Variants in ZNF439 observed in about 807,000 individuals in gnomAD.
The protein encoded by ZNF439 is zinc finger protein 439.
Under a neutral mutation model 47.3 loss-of-function variants are expected in ZNF439, and 40 were observed. The ratio of observed to expected loss-of-function variants is 0.85; its 90% confidence interval spans 0.66 to 1.10. The LOEUF is 1.10. Among genes scored for constraint, ZNF439 ranks in the 50% least tolerant of loss-of-function variants. The pLI, the probability that ZNF439 is intolerant of heterozygous loss-of-function variation, is 0.00. For missense variants in ZNF439, 556 were observed against 601.1 expected (o/e 0.93, Z 0.78); for synonymous variants, 171 against 198.8 (o/e 0.86, Z 1.18).
intron 1 of ZNF439, among the ~76,000 whole-genome samples, chr19:11,854,304 A>G (rs930132717): frequency 1.3e-5 from 2 of 152,252 alleles, no homozygotes; most frequent in Non-Finnish European, 2.9e-5. Flanking sequence ...CAAGGAAACA[A>G]TAGCCAAAAT....
At chr19:11,858,734 G>A (rs181635753) in intron 1 of ZNF439, among the ~76,000 whole-genome samples, 1 of 152,136 alleles carries the variant, frequency 6.6e-6, no homozygotes, top group East Asian at 1.9e-4. Flanking sequence ...CTGTGATAGG[G>A]GCCATTGATC....
Position 11,867,409 on chromosome 19 carries a change from G to C in ZNF439, c.355G>C (p.Ala119Pro), listed in dbSNP as rs746730794. Residue 119 changes from alanine to proline, a missense_variant, in exon 4 of 4, where the codon GCT becomes CCT. Transcript: ENST00000682736. Reference sequence around the variant, plus strand: ...CAGGCTGAACTTCCAGAAGAAGAAAGCTTCTCCTGAAGTAAAATCATGTGA... The same window carrying C: ...CAGGCTGAACTTCCAGAAGAAGAAACCTTCTCCTGAAGTAAAATCATGTGA... ...DDRLNFQKKK[A>P]SPEVKSCDSF... The C allele has an allele frequency of 2.7e-5, 43 of 1,613,860 alleles. 1 individual carries two copies. The South Asian group carries it at 3.5e-4, about 13-fold the overall frequency.
Position 11,866,186 on chromosome 19 carries a change from C to T in ZNF439, c.64-19C>T, listed in dbSNP as rs765920971. 1.9e-6 allele frequency: 3 copies of T among 1,614,132 alleles called. No individual in the cohort carries two copies. The highest frequency in any genetic ancestry group is 4.5e-5 in the East Asian group (2 of 44,872). On this transcript the variant is annotated intron_variant, in intron 1 of 3. Transcript: ENST00000682736. ...TGTCACTCTCACCCATCCTCCTCTA[C>T]ACATGTGAGATGTTTCAGGACCCAG... is the stretch of plus-strand genomic sequence containing the variant.
chr19:11,851,728 G>C (rs544363293), intron 1 of ZNF439, among the ~76,000 whole-genome samples: 35 of 151,852 alleles, frequency 2.3e-4, no homozygotes, highest in Non-Finnish European at 4.1e-4. Context: ...TGCCATCACG[G>C]CTTACTGCAG....
intron 2 of ZNF439, 51 bp from the exon 3 acceptor site, chr19:11,866,486 T>TTTC: frequency 6.2e-7 from 1 of 1,605,978 alleles, no homozygotes; most frequent in Non-Finnish European, 8.5e-7. Flanking sequence ...CTAATAATTT[T>TTTC]TTCACAATTT....
intron 1 of ZNF439, among the ~76,000 whole-genome samples, chr19:11,865,477 T>A (rs1409038897): frequency 6.7e-6 from 1 of 149,790 alleles, no homozygotes; most frequent in African/African-American, 2.5e-5. Context: ...GGTTGTGGGA[T>A]TTCCCAGGGG....
At chr19:11,852,598 C>T (rs191354922) in intron 1 of ZNF439, among the ~76,000 whole-genome samples, 3 of 152,322 alleles carry the variant, frequency 2.0e-5, no homozygotes, top group Admixed American at 6.5e-5. Flanking sequence ...CAGCCTCCAC[C>T]TCCTAGGTTC....
At position 11,868,860 on chromosome 19, in the gene ZNF439, T is replaced by G. The variant is rs1976791837; in HGVS notation, c.*291T>G. ...AAAAGCGTTCCATAATTTCTCTTCT[T>G]TTCAAATACATGAAAGTTGCACAGA... On this transcript the variant is annotated 3_prime_UTR_variant, in exon 4 of 4. Coordinates refer to ENST00000682736, the MANE Select transcript of ZNF439 (RefSeq NM_001348719.2). The G allele has an allele frequency of 2.2e-6, 1 of 453,026 alleles. No homozygotes were observed. Among genetic ancestry groups the G allele is most frequent in the African/African-American group, 2.0e-5 (1 of 50,164 alleles). The allele number at this position is 453,026 out of a possible 1,614,324, so 28.1% of individuals were successfully genotyped here.
intron 1 of ZNF439, among the ~76,000 whole-genome samples, chr19:11,863,317 C>T (rs763984451): frequency 3.3e-5 from 5 of 151,810 alleles, no homozygotes; most frequent in Non-Finnish European, 4.4e-5. Context: ...CATGCCACCA[C>T]GCCCAGCTAA....
At chr19:11,866,716 A>G in intron 3 of ZNF439, 119 bp downstream of exon 3, 2 of 1,066,498 alleles carry the variant, frequency 1.9e-6, no homozygotes, top group East Asian at 2.8e-5. Context: ...TATTCATACA[A>G]TATTTTATCT....
chr19:11,866,641 C>A (rs1419362384), intron 3 of ZNF439, 44 bp downstream of exon 3: 1 of 1,571,030 alleles, frequency 6.4e-7, no homozygotes. Flanking sequence ...TCTACACGAT[C>A]TTAGAATATG....
In ZNF439 at chr19:11,867,929, G is replaced by A. The variant is rs770088184; in HGVS notation, c.875G>A (p.Arg292Lys). The change falls in exon 4 of 4, where the codon AGA becomes AAA. Residue 292 changes from arginine (R) to lysine (K), a missense_variant. Transcript: ENST00000682736. The stretch of plus-strand genomic sequence containing the variant: ...TTCCATAGTCCCAGATCCTGTCACA[G>A]ACATGAAAGGAGTCACATGGGAGAG... ...KAFHSPRSCH[R>K]HERSHMGEKA... The A allele has an allele frequency of 6.2e-7, 1 of 1,614,018 alleles. No individual in the cohort carries two copies. Among genetic ancestry groups the A allele is most frequent in the Admixed American group, 1.7e-5 (1 of 60,018 alleles).
chr19:11,853,819 A>G (rs1239920116), intron 1 of ZNF439, among the ~76,000 whole-genome samples: 1 of 152,194 alleles, frequency 6.6e-6, no homozygotes, highest in Non-Finnish European at 1.5e-5. Flanking sequence ...TGAACAAAAA[A>G]CAGAGACTAA....
rs374846599 is a variant in ZNF439, at chr19:11,849,060, C to T, written c.63+130C>T. 1.0e-3 allele frequency: 1,261 copies of T among 1,223,518 alleles called. 13 individuals carry two copies. In the African/African-American group the frequency reaches 0.019, roughly 18 times the overall value. 75.8% of individuals were successfully genotyped at this position (1,223,518 alleles called of 1,614,324 possible). A position where few individuals can be genotyped will look rare whatever the true frequency, so the allele number is the denominator to read the frequency against. On this transcript the variant is annotated intron_variant, in intron 1 of 3. Transcript: ENST00000682736. ...CTAGAGCTGCTCGGCCCTCGGTCCC[C>T]GCGGCCGCTGGATGTGGGTGGGCCG...
intron 1 of ZNF439, among the ~76,000 whole-genome samples, chr19:11,863,473 AT>A (rs945777186): frequency 3.3e-5 from 5 of 151,712 alleles, no homozygotes; most frequent in African/African-American, 1.2e-4. Flanking sequence ...TTATTTTTTG[AT>A]TAGTTGGCTT....
chr19:11,864,851 A>G (rs1035815608), intron 1 of ZNF439, among the ~76,000 whole-genome samples: 1 of 151,716 alleles, frequency 6.6e-6, no homozygotes, highest in African/African-American at 2.4e-5. Flanking sequence ...CTGGAGTGCA[A>G]TGGCACAATA....
In ZNF439 at chr19:11,867,327, C is replaced by A. The variant is rs376085239; in HGVS notation, c.273C>A (p.Val91=). The change falls in exon 4 of 4, where the codon GTC becomes GTA. Residue 91 remains valine (V), a synonymous_variant. Coordinates refer to ENST00000682736, the MANE Select transcript of ZNF439 (RefSeq NM_001348719.2). ...RNFRSVTEEK[V]NEIKEDSHCG... is the part of the protein sequence containing the mutation. ...ACAGGAGTGTCACAGAAGAGAAAGT[C>A]AATGAAATTAAAGAAGACAGTCATT... 2 of 1,611,918 alleles carry A rather than the reference C, an allele frequency of 1.2e-6. No homozygotes were observed. The highest frequency in any genetic ancestry group is 2.7e-5 in the African/African-American group (2 of 74,706).
chr19:11,862,500 C>G (rs1213494134), intron 1 of ZNF439, among the ~76,000 whole-genome samples: 1 of 151,764 alleles, frequency 6.6e-6, no homozygotes, highest in East Asian at 1.9e-4. Context: ...TGTGGGAGGA[C>G]TTTTGTGTGG....
intron 1 of ZNF439, among the ~76,000 whole-genome samples, chr19:11,863,774 G>A (rs1976602893): frequency 6.6e-6 from 1 of 152,170 alleles, no homozygotes; most frequent in Non-Finnish European, 1.5e-5. Flanking sequence ...TTCCATTTAA[G>A]TAAATGATTC....
Sources: allele counts gnomAD v4.1 joint callset (sites outside exome capture counted in the v4.1 genomes callset), GRCh38; gene constraint gnomAD v4.1.1; transcripts MANE v1.5; gene names NCBI Gene and HGNC (gene_info 2026-07-23, HGNC 2026-07-21).